Variants in CYYR1 observed in about 807,000 individuals in gnomAD.
CYYR1 encodes the protein cysteine and tyrosine rich 1.
In CYYR1, 14 loss-of-function variants were observed where a neutral mutation model predicts 15.2. That is an observed-to-expected ratio of 0.92 (90% confidence interval 0.61 to 1.44). CYYR1 has a LOEUF of 1.44. Ranked by LOEUF, CYYR1 falls within the 40% of genes most tolerant of loss-of-function variation. The pLI is 0.00. For synonymous variants in CYYR1, 80 were observed against 77.4 expected (o/e 1.03, Z -0.18); for missense variants, 228 against 209.5 (o/e 1.09, Z -0.54).
chr21:26,522,909 G>A (rs748041209), intron 2 of CYYR1, among the ~76,000 whole-genome samples: 15 of 152,218 alleles, frequency 9.9e-5, no homozygotes, highest in Non-Finnish European at 1.9e-4. Context: ...GCATGAAAGC[G>A]TGAATGTTCA....
intron 2 of CYYR1, among the ~76,000 whole-genome samples, chr21:26,531,840 T>C (rs1374115057): frequency 6.6e-6 from 1 of 152,070 alleles, no homozygotes; most frequent in Non-Finnish European, 1.5e-5. Flanking sequence ...TAGCCAGCAG[T>C]GAACAGAGGT....
intron 2 of CYYR1, among the ~76,000 whole-genome samples, chr21:26,498,891 G>A (rs562422452): frequency 4.7e-4 from 72 of 152,160 alleles, no homozygotes; most frequent in African/African-American, 1.6e-3. Context: ...AACGGCATGC[G>A]AGTAACTGCC....
intron 2 of CYYR1, among the ~76,000 whole-genome samples, chr21:26,542,319 G>A (rs973165843): frequency 6.6e-6 from 1 of 151,598 alleles, no homozygotes; most frequent in Non-Finnish European, 1.5e-5. Flanking sequence ...GTGTGTGTGT[G>A]TGTGTGTCAG....
At chr21:26,506,161 A>G (rs776102043) in intron 2 of CYYR1, among the ~76,000 whole-genome samples, 5 of 152,096 alleles carry the variant, frequency 3.3e-5, no homozygotes, top group African/African-American at 4.8e-5. Context: ...TTCCCTCTCC[A>G]TCTAGAAAAG....
At chr21:26,523,337 G>A (rs1385988468) in intron 2 of CYYR1, among the ~76,000 whole-genome samples, 1 of 152,090 alleles carries the variant, frequency 6.6e-6, no homozygotes, top group Non-Finnish European at 1.5e-5. Context: ...TTGCTCCCCT[G>A]AGATAATTCC....
intron 2 of CYYR1, chr21:26,506,548 G>C (rs2065567307): frequency 6.6e-6 from 1 of 152,220 alleles, no homozygotes; most frequent in South Asian, 2.1e-4. Flanking sequence ...CTTTCCTGAA[G>C]AAGGTTTTCT....
chr21:26,530,078 A>G (rs983813827), intron 2 of CYYR1, among the ~76,000 whole-genome samples: 1 of 152,186 alleles, frequency 6.6e-6, no homozygotes, highest in Non-Finnish European at 1.5e-5. Context: ...TCTATCAGAG[A>G]CTAGGGCAAA....
At position 26,467,000 on chromosome 21, in the gene CYYR1, T is replaced by C. The variant is rs1026834542; in HGVS notation, c.*1501A>G. 6.6e-6 allele frequency: 1 copy of C among 152,196 alleles called. No individual in the cohort carries two copies. Among genetic ancestry groups the C allele is most frequent in the African/African-American group, 2.4e-5 (1 of 41,464 alleles). 9.4% of individuals were successfully genotyped at this position (152,196 alleles called of 1,614,324 possible). ...TAATATATGCTACTTATAATAATGA[T>C]ATAGTAAGCTTCTTATCTGCAAGTA... On this transcript the variant is annotated 3_prime_UTR_variant, in exon 4 of 4. Transcript: ENST00000652641.
intron 2 of CYYR1, among the ~76,000 whole-genome samples, chr21:26,516,283 A>T (rs1569156650): frequency 6.6e-6 from 1 of 152,230 alleles, no homozygotes; most frequent in Non-Finnish European, 1.5e-5. Flanking sequence ...TTGAAAGCCA[A>T]CTTGAACTGT....
intron 2 of CYYR1, among the ~76,000 whole-genome samples, chr21:26,502,288 A>T (rs2065491574): frequency 6.9e-6 from 1 of 145,948 alleles, no homozygotes; most frequent in Non-Finnish European, 1.5e-5. Context: ...TGCTATGTAT[A>T]GAATTGAGAA....
At chr21:26,533,598 C>T (rs1004507323) in intron 2 of CYYR1, among the ~76,000 whole-genome samples, 1 of 152,058 alleles carries the variant, frequency 6.6e-6, no homozygotes, top group African/African-American at 2.4e-5. Flanking sequence ...TCCCCCAGTC[C>T]ACGAATTCAA....
chr21:26,480,281 A>G lies in CYYR1; in HGVS notation c.325T>C (p.Ser109Pro). 6.2e-7 allele frequency: 1 copy of G among 1,611,110 alleles called. No individual in the cohort carries two copies. The highest frequency in any genetic ancestry group is 8.5e-7 in the Non-Finnish European group (1 of 1,178,752). Residue 109 changes from serine (S) to proline (P), a missense_variant, in exon 3 of 4, where the codon TCC (serine) becomes CCC (proline). By Grantham distance (74) the Ser-to-Pro change is moderately conservative. Coordinates refer to ENST00000652641, the MANE Select transcript of CYYR1 (RefSeq NM_001320768.2). ...LRTTHINTVS[S>P]YPAGPPPYGH... ...CAACAGTTTTGCTCACCAGGATAGG[A>G]GGAGACGGTGTTGATGTGAGTCGTC...
At chr21:26,481,257 A>G (rs1434330323) in intron 2 of CYYR1, among the ~76,000 whole-genome samples, 2 of 152,134 alleles carry the variant, frequency 1.3e-5, no homozygotes, top group African/African-American at 4.8e-5. Flanking sequence ...TCCCTAAGGA[A>G]ATGTAGCACA....
chr21:26,492,201 G>T (rs900068866), intron 2 of CYYR1, among the ~76,000 whole-genome samples: 8 of 152,160 alleles, frequency 5.3e-5, no homozygotes, highest in Non-Finnish European at 1.0e-4. Flanking sequence ...GCTCCAAAGA[G>T]TTTCTGAGTT....
intron 2 of CYYR1, among the ~76,000 whole-genome samples, chr21:26,544,822 A>G (rs545521606): frequency 6.6e-6 from 1 of 152,332 alleles, no homozygotes; most frequent in African/African-American, 2.4e-5. Flanking sequence ...AAGGTGGCTC[A>G]TGCCTGTAAT....
chr21:26,544,860 T>TCA, intron 2 of CYYR1, among the ~76,000 whole-genome samples: 1 of 152,002 alleles, frequency 6.6e-6, no homozygotes, highest in South Asian at 2.1e-4. Flanking sequence ...TTGAGGTGGA[T>TCA]CCTAGGAGTT....
At position 26,566,280 on chromosome 21, in the gene CYYR1, A is replaced by C. The variant is rs886835393; in HGVS notation, c.162T>G (p.Ile54Met). Residue 54 changes from isoleucine to methionine, a missense_variant, in exon 2 of 4, where the codon ATT becomes ATG. Physicochemically the swap from Ile to Met is conservative, Grantham distance 10. Transcript: ENST00000652641. The part of the protein sequence containing the change: ...TPYCCSYYAY[I>M]GNILSGTAIA... ...CGAATACTCACGAGAGGATATTCCCAATATAAGCGTAGTAGGAGCAACAGT... is the reference window on the plus strand; with the variant it reads ...CGAATACTCACGAGAGGATATTCCCCATATAAGCGTAGTAGGAGCAACAGT... The C allele has an allele frequency of 6.2e-7, 1 of 1,613,404 alleles. No individual in the cohort carries two copies. Among genetic ancestry groups the C allele is most frequent in the East Asian group, 2.2e-5 (1 of 44,858 alleles).
intron 2 of CYYR1, among the ~76,000 whole-genome samples, chr21:26,529,013 A>C (rs1183588774): frequency 6.6e-6 from 1 of 152,244 alleles, no homozygotes; most frequent in East Asian, 1.9e-4. Flanking sequence ...AAAGGGCCAC[A>C]GGTGAGATTA....
intron 2 of CYYR1, among the ~76,000 whole-genome samples, chr21:26,528,051 T>C (rs1466681088): frequency 6.6e-6 from 1 of 152,060 alleles, no homozygotes; most frequent in African/African-American, 2.4e-5. Context: ...GAAATCTTAG[T>C]CCACAGTCAA....
Sources: allele counts gnomAD v4.1 joint callset (sites outside exome capture counted in the v4.1 genomes callset), GRCh38; gene constraint gnomAD v4.1.1; transcripts MANE v1.5; gene names NCBI Gene and HGNC (gene_info 2026-07-23, HGNC 2026-07-21).